The following CTBP2 variants were observed in gnomAD, a reference collection of about 807,000 sequenced individuals.
CTBP2 encodes the protein C-terminal binding protein 2.
Under a neutral mutation model 80.3 loss-of-function variants are expected in CTBP2, and 30 were observed. That is an observed-to-expected ratio of 0.37 (90% CI 0.28 to 0.51). The LOEUF is 0.51. Among genes scored for constraint, CTBP2 ranks in the 20% least tolerant of loss-of-function variants. The pLI, the probability that CTBP2 is intolerant of heterozygous loss-of-function variation, is 0.93. For synonymous variants in CTBP2, 594 were observed against 587.4 expected, an observed-to-expected ratio of 1.01 and a Z score of -0.16; for missense variants, 1,212 against 1,375.3, an observed-to-expected ratio of 0.88 and a Z score of 1.88.
chr10:125,072,849 A>G (rs1845719427), intron 2 of CTBP2, among the ~76,000 whole-genome samples: 1 of 152,110 alleles, frequency 6.6e-6, no homozygotes, highest in South Asian at 2.1e-4. Context: ...CTAGTCTCAG[A>G]TATTCAGTAT....
chr10:125,022,957 TA>T (rs1195858993), intron 1 of CTBP2, among the ~76,000 whole-genome samples: 1 of 152,212 alleles, frequency 6.6e-6, no homozygotes, highest in African/African-American at 2.4e-5. Flanking sequence ...CTGATAGGGC[TA>T]AAATTATTGA....
intron 1 of CTBP2, among the ~76,000 whole-genome samples, chr10:125,138,533 T>A (rs1033431202): frequency 2.0e-5 from 3 of 151,890 alleles, no homozygotes; most frequent in Admixed American, 1.3e-4. Flanking sequence ...AAAATAAGAT[T>A]AACTAAGAGG....
rs182093426 is a variant in CTBP2 at position 125,150,213 on chromosome 10, G to A, written c.-206+10106C>T. ...ATCCCATGGACCCAAGCCCTCCCTC[G>A]AGGGAGATGGGGGGTGGAGGGCAAC... On this transcript the variant is annotated intron_variant, in intron 1 of 10. Transcript: ENST00000337195. Among the ~76,000 whole-genome samples the A allele has an allele frequency of 1.4e-3, 218 of 152,342 alleles. 2 individuals are homozygous for A. Among genetic ancestry groups the A allele is most frequent in the Admixed American group, 0.011 (166 of 15,304 alleles).
chr10:125,103,279 C>T (rs1850923949), intron 2 of CTBP2, among the ~76,000 whole-genome samples: 1 of 152,116 alleles, frequency 6.6e-6, no homozygotes, highest in Admixed American at 6.5e-5. Context: ...AGCCTGGATT[C>T]ATTCATTCAA....
At chr10:125,008,199 G>A (rs1341560081) in intron 1 of CTBP2, among the ~76,000 whole-genome samples, 2 of 152,148 alleles carry the variant, frequency 1.3e-5, no homozygotes, top group African/African-American at 4.8e-5. Context: ...ACCTGCCTCG[G>A]TCTCCCAAAA....
At chr10:125,111,476 T>C (rs888972207) in intron 1 of CTBP2, among the ~76,000 whole-genome samples, 1 of 152,230 alleles carries the variant, frequency 6.6e-6, no homozygotes, top group Non-Finnish European at 1.5e-5. Flanking sequence ...AATATGGAAT[T>C]ATAAAGTGCA....
At chr10:125,096,129 G>GCA (rs1399245008) in intron 2 of CTBP2, among the ~76,000 whole-genome samples, 1 of 152,190 alleles carries the variant, frequency 6.6e-6, no homozygotes, top group Non-Finnish European at 1.5e-5. Flanking sequence ...GCAAAACACA[G>GCA]CACGCACATG....
At chr10:125,118,130 AAAAT>A (rs1261744256) in intron 1 of CTBP2, among the ~76,000 whole-genome samples, 4 of 152,388 alleles carry the variant, frequency 2.6e-5, no homozygotes, top group African/African-American at 9.6e-5. Flanking sequence ...TTTTTAAAGA[AAAAT>A]AAAATAGGAT....
At chr10:125,005,594 G>T (rs1438115339) in intron 1 of CTBP2, 1 of 1,612,688 alleles carries the variant, frequency 6.2e-7, no homozygotes, top group East Asian at 2.2e-5. Context: ...GCACAAAGCT[G>T]GATACCCCCT....
chr10:125,085,994 C>G (rs1847910886), intron 2 of CTBP2, among the ~76,000 whole-genome samples: 1 of 152,242 alleles, frequency 6.6e-6, no homozygotes, highest in Non-Finnish European at 1.5e-5. Flanking sequence ...TCCCCAGATG[C>G]CCCATGGCTG....
chr10:125,042,609 A>T (rs560042856), intron 2 of CTBP2, among the ~76,000 whole-genome samples: 15 of 152,020 alleles, frequency 9.9e-5, no homozygotes, highest in African/African-American at 3.4e-4. Context: ...TGTTCTGGAG[A>T]CTCAGGCTCC....
Position 124,998,210 on chromosome 10 carries a change from C to G in CTBP2, c.1979-40G>C. 3 of 1,564,680 alleles carry G rather than the reference C, an allele frequency of 1.9e-6. No individual in the cohort carries two copies. In the South Asian group the frequency reaches 3.5e-5, roughly 18 times the overall value. On this transcript the variant is annotated intron_variant, in intron 3 of 8. Transcript: ENST00000309035. ...GCCAAGGCCGGAGATGAGAAAACCTCAAGATCAGTGGGGAAGCCCCAGGGC... is the reference window on the plus strand; with the variant it reads ...GCCAAGGCCGGAGATGAGAAAACCTGAAGATCAGTGGGGAAGCCCCAGGGC...
intron 1 of CTBP2, among the ~76,000 whole-genome samples, chr10:125,018,982 T>A (rs1302697342): frequency 1.3e-5 from 2 of 152,220 alleles, no homozygotes; most frequent in Non-Finnish European, 2.9e-5. Flanking sequence ...GGCCGCCCAC[T>A]CTGTCAGTGG....
chr10:124,993,866 T>C lies in CTBP2; in HGVS notation c.2520A>G (p.Ser840=), dbSNP rs112585658. The C allele has an allele frequency of 8.1e-6, 13 of 1,612,686 alleles. No homozygotes were observed. The highest frequency in any genetic ancestry group is 9.3e-6 in the Non-Finnish European group (11 of 1,179,682). The stretch of plus-strand genomic sequence containing the variant: ...GGGGCAACACGCACCTGAAGGGCTC[T>C]GACTCATGCACGTCGAGGGCTGCCC... Residue 840 remains serine (S), a synonymous_variant, in exon 6 of 9, where the codon TCA becomes TCG. Coordinates refer to ENST00000309035, the MANE Select transcript of CTBP2 (RefSeq NM_022802.3).
intron 2 of CTBP2, among the ~76,000 whole-genome samples, chr10:125,057,032 A>G (rs1964073023): frequency 6.6e-6 from 1 of 152,226 alleles, no homozygotes; most frequent in African/African-American, 2.4e-5. Context: ...CCGGGGAAGC[A>G]TGCCTCTCTG....
intron 1 of CTBP2, among the ~76,000 whole-genome samples, chr10:125,113,734 C>T (rs1476338865): frequency 6.6e-6 from 1 of 152,118 alleles, no homozygotes; most frequent in Non-Finnish European, 1.5e-5. Context: ...ATGGTGGGTA[C>T]AGGTTCTAAT....
intron 2 of CTBP2, among the ~76,000 whole-genome samples, chr10:125,086,158 G>A (rs1847933152): frequency 6.6e-6 from 1 of 152,212 alleles, no homozygotes; most frequent in Non-Finnish European, 1.5e-5. Context: ...CCAAGGTGGT[G>A]GTATTAGAGG....
chr10:125,051,953 T>C (rs985102695), intron 2 of CTBP2, among the ~76,000 whole-genome samples: 1 of 152,176 alleles, frequency 6.6e-6, no homozygotes, highest in African/African-American at 2.4e-5. Flanking sequence ...AGACAGGGCT[T>C]CTCTCAAATC....
At chr10:125,021,672 G>C (rs1460532662) in intron 1 of CTBP2, among the ~76,000 whole-genome samples, 1 of 152,200 alleles carries the variant, frequency 6.6e-6, no homozygotes, top group Non-Finnish European at 1.5e-5. Flanking sequence ...GGAGTCTCAG[G>C]AGGTCAGGCA....
Sources: allele counts gnomAD v4.1 joint callset (sites outside exome capture counted in the v4.1 genomes callset), GRCh38; gene constraint gnomAD v4.1.1; transcripts MANE v1.5; gene names NCBI Gene and HGNC (gene_info 2026-07-23, HGNC 2026-07-21).